Variants in MEIS2 observed in about 807,000 individuals in gnomAD.
MEIS2 encodes the protein homeobox protein Meis2.
In MEIS2, 9 loss-of-function variants were observed where a neutral mutation model predicts 58.6. The ratio of observed to expected loss-of-function variants is 0.15; its 90% confidence interval spans 0.09 to 0.27. MEIS2 has a LOEUF of 0.27. MEIS2 is among the 10% of genes least tolerant of loss of function. MEIS2 has a pLI of 1.00. For synonymous variants in MEIS2, 221 were observed against 228.4 expected (o/e 0.97, Z 0.29); for missense variants, 427 against 635.0 (o/e 0.67, Z 3.52).
chr15:37,067,594 A>AT (rs1323586839), intron 7 of MEIS2, among the ~76,000 whole-genome samples: 34 of 69,106 alleles, frequency 4.9e-4, no homozygotes, highest in South Asian at 3.0e-3. Context: ...GAAATCAGAA[A>AT]TTAAAAAAAA....
chr15:37,013,025 G>T (rs573288248), intron 8 of MEIS2, among the ~76,000 whole-genome samples: 2 of 152,172 alleles, frequency 1.3e-5, no homozygotes, highest in African/African-American at 4.8e-5. Context: ...ATGAGTTCTG[G>T]AGGAGGGGAC....
Position 36,903,156 on chromosome 15 carries a change from C to T in MEIS2, c.978-6470G>A, listed in dbSNP as rs188818594. 3.3e-5 allele frequency among the ~76,000 whole-genome samples: 5 copies of T among 152,282 alleles called. No individual in the cohort carries two copies. In the East Asian group the frequency reaches 7.7e-4, roughly 23 times the overall value. The stretch of plus-strand genomic sequence containing the variant: ...TTACAATATTGAGCAACAGTAAACA[C>T]TATTCCATGAATACAATCACACTTG... On this transcript the variant is annotated intron_variant, in intron 9 of 11. Transcript: ENST00000561208.
intron 9 of MEIS2, among the ~76,000 whole-genome samples, chr15:36,914,867 A>T (rs2057205352): frequency 6.6e-6 from 1 of 152,222 alleles, no homozygotes; most frequent in African/African-American, 2.4e-5. Context: ...CTATACCAAT[A>T]GCTTTGCAGG....
chr15:36,970,186 G>T (rs552767634), intron 8 of MEIS2, among the ~76,000 whole-genome samples: 1 of 152,130 alleles, frequency 6.6e-6, no homozygotes, highest in Non-Finnish European at 1.5e-5. Context: ...GGAGGATCAT[G>T]AGGTCAGGAG....
chr15:37,031,224 A>G (rs980364863), intron 8 of MEIS2, among the ~76,000 whole-genome samples: 14 of 152,160 alleles, frequency 9.2e-5, no homozygotes, highest in Non-Finnish European at 1.9e-4. Context: ...AGAGAGGGTA[A>G]TGGCTCAAGA....
chr15:36,993,865 T>C (rs140823309), intron 8 of MEIS2, among the ~76,000 whole-genome samples: 6 of 152,280 alleles, frequency 3.9e-5, no homozygotes, highest in Non-Finnish European at 8.8e-5. Flanking sequence ...ATTACATATA[T>C]ATAAATGTAG....
chr15:36,933,938 CT>C (rs1486617645), intron 9 of MEIS2, among the ~76,000 whole-genome samples: 16 of 152,176 alleles, frequency 1.1e-4, no homozygotes, highest in South Asian at 2.1e-4. Flanking sequence ...GAAGCCACCC[CT>C]ATCTTTAACA....
intron 8 of MEIS2, among the ~76,000 whole-genome samples, chr15:36,959,320 C>T (rs1288178904): frequency 6.6e-6 from 1 of 152,128 alleles, no homozygotes; most frequent in Non-Finnish European, 1.5e-5. Flanking sequence ...TTCTTTGCCA[C>T]CCTATCTTTC....
At chr15:37,008,668 AG>A (rs2061010560) in intron 8 of MEIS2, among the ~76,000 whole-genome samples, 1 of 152,252 alleles carries the variant, frequency 6.6e-6, no homozygotes, top group Non-Finnish European at 1.5e-5. Flanking sequence ...AAAAGGTAAA[AG>A]TTTGCCATTT....
intron 6 of MEIS2, among the ~76,000 whole-genome samples, chr15:37,087,233 T>C (rs1233400038): frequency 6.6e-6 from 1 of 152,186 alleles, no homozygotes; most frequent in African/African-American, 2.4e-5. Context: ...GGAGTGAACA[T>C]GTTTCTATTC....
At chr15:36,940,146 A>G (rs1026212273) in intron 9 of MEIS2, among the ~76,000 whole-genome samples, 2 of 152,056 alleles carry the variant, frequency 1.3e-5, no homozygotes, top group African/African-American at 4.8e-5. Context: ...GAACTGGGGC[A>G]TTTTTTTAGT....
intron 8 of MEIS2, among the ~76,000 whole-genome samples, chr15:37,029,984 C>T (rs1249555501): frequency 1.1e-4 from 16 of 152,034 alleles, no homozygotes; most frequent in Non-Finnish European, 4.4e-5. Flanking sequence ...GGCAACACAG[C>T]GAGATGCCGT....
intron 9 of MEIS2, among the ~76,000 whole-genome samples, chr15:36,914,614 A>G (rs536321782): frequency 2.0e-5 from 3 of 152,320 alleles, no homozygotes; most frequent in Admixed American, 1.3e-4. Context: ...GAATAAAACC[A>G]AAAGCTGAAG....
intron 9 of MEIS2, among the ~76,000 whole-genome samples, chr15:36,931,527 T>C (rs2057977726): frequency 6.6e-6 from 1 of 152,234 alleles, no homozygotes; most frequent in Non-Finnish European, 1.5e-5. Flanking sequence ...ACAACGTTGA[T>C]GCTTGCTTTT....
intron 6 of MEIS2, among the ~76,000 whole-genome samples, chr15:37,090,199 C>T (rs903876176): frequency 2.0e-5 from 3 of 151,816 alleles, no homozygotes; most frequent in African/African-American, 7.3e-5. Flanking sequence ...AGACAAAATA[C>T]ATTATAATAT....
At position 37,064,944 on chromosome 15, in the gene MEIS2, T is replaced by G. The variant is rs373980548; in HGVS notation, c.754+18827A>C. Reference sequence around the variant, plus strand: ...GTTGAGCCAAAGATAACTAGATATTTTCAAAATGTGCTTTTTAGATCTTTA... The same window carrying G: ...GTTGAGCCAAAGATAACTAGATATTGTCAAAATGTGCTTTTTAGATCTTTA... On this transcript the variant is annotated intron_variant, in intron 7 of 11. Coordinates refer to ENST00000561208, the MANE Select transcript of MEIS2 (RefSeq NM_170675.5). 3.3e-4 allele frequency among the ~76,000 whole-genome samples: 51 copies of G among 152,330 alleles called. 2 individuals carry two copies. The highest frequency in any genetic ancestry group is 1.1e-3 in the African/African-American group (45 of 41,578).
At chr15:37,030,477 T>C (rs944238721) in intron 8 of MEIS2, among the ~76,000 whole-genome samples, 4 of 151,810 alleles carry the variant, frequency 2.6e-5, no homozygotes, top group Non-Finnish European at 5.9e-5. Context: ...GCTGGGACTA[T>C]AGATGTGTGC....
rs79319974 is a variant in MEIS2 at position 37,065,970 on chromosome 15, G to A, written c.754+17801C>T. Among the ~76,000 whole-genome samples the A allele has an allele frequency of 6.2e-4, 94 of 152,246 alleles. No homozygotes were observed. In the East Asian group the frequency reaches 0.017, roughly 28 times the overall value. ...ATAAGTTGATGACTATGACATAGGA[G>A]TTTTGGAAAGTCCCACAAGAGAAGT... is the stretch of plus-strand genomic sequence containing the variant. On this transcript the variant is annotated intron_variant, in intron 7 of 11. Transcript: ENST00000561208.
At chr15:37,070,654 G>A (rs1407715266) in intron 7 of MEIS2, among the ~76,000 whole-genome samples, 1 of 151,862 alleles carries the variant, frequency 6.6e-6, no homozygotes, top group East Asian at 1.9e-4. Context: ...AAATATTCTT[G>A]GAACCATAGT....
Sources: gnomAD v4.1 joint callset for allele counts (sites outside exome capture counted in the v4.1 genomes callset) on GRCh38, gnomAD v4.1.1 for gene constraint, MANE v1.5 for transcripts, NCBI Gene and HGNC (gene_info 2026-07-23, HGNC 2026-07-21) for gene names.